TTPAL: variants seen among roughly 807,000 people sequenced by gnomAD.
TTPAL encodes alpha tocopherol transfer protein like, also known as alpha-tocopherol transfer protein-like.
In TTPAL, 21 loss-of-function variants were observed where a neutral mutation model predicts 28.7. The observed-to-expected ratio is 0.73, with a 90% CI of 0.52 to 1.06. The LOEUF (loss-of-function observed/expected upper bound fraction) is 1.06. TTPAL is among the 50% of genes least tolerant of loss of function. The pLI is 0.00. For synonymous variants in TTPAL, 169 were observed against 171.9 expected (o/e 0.98, Z 0.13); for missense variants, 345 against 425.5 (o/e 0.81, Z 1.67).
At chr20:44,483,573 T>C (rs914665690) in intron 2 of TTPAL, among the ~76,000 whole-genome samples, 7 of 152,160 alleles carry the variant, frequency 4.6e-5, no homozygotes, top group Non-Finnish European at 8.8e-5. Flanking sequence ...CCAAACTGCA[T>C]GGCTAGAGTG....
At chr20:44,486,574 C>A in intron 3 of TTPAL, 22 bp from the exon 4 acceptor site, 1 of 1,439,000 alleles carries the variant, frequency 6.9e-7, no homozygotes, top group Non-Finnish European at 9.7e-7. Flanking sequence ...ATGTTCTAAA[C>A]CCCTTTGCCT....
chr20:44,477,447 G>A (rs982821160), intron 1 of TTPAL, among the ~76,000 whole-genome samples: 1 of 152,082 alleles, frequency 6.6e-6, no homozygotes, highest in African/African-American at 2.4e-5. Flanking sequence ...GCAACAGGGT[G>A]GGAGAAGTGC....
chr20:44,481,782 C>T (rs2064107883), intron 2 of TTPAL, among the ~76,000 whole-genome samples: 2 of 152,238 alleles, frequency 1.3e-5, no homozygotes, highest in Middle Eastern at 3.4e-3. Flanking sequence ...GTACCAAGAC[C>T]ACTGTTAATG....
rs906629817 is a variant in TTPAL, at chr20:44,490,846, G to C, written c.*1305G>C. ...TAATCCCAGCACTTTGGGAGGCCAA[G>C]GTGTGCGGATCACAAGGTCAGGAGT... On this transcript the variant is annotated 3_prime_UTR_variant, in exon 5 of 5. Transcript: ENST00000262605. The C allele has an allele frequency of 6.6e-6, 1 of 152,128 alleles. No homozygotes were observed. The highest frequency in any genetic ancestry group is 1.5e-5 in the Non-Finnish European group (1 of 68,034). The allele number at this position is 152,128 out of a possible 1,614,324, so 9.4% of individuals were successfully genotyped here. A position where few individuals can be genotyped will look rare whatever the true frequency, so the allele number is the denominator to read the frequency against.
At position 44,484,501 on chromosome 20, in the gene TTPAL, A is replaced by G. The variant is rs773824518; in HGVS notation, c.610A>G (p.Ile204Val). ...AAAAGCATCTCACTTTGGCCCTTTTATAGCCAAAAAGGTGATTGGCATCCT... is the reference window on the plus strand; with the variant it reads ...AAAAGCATCTCACTTTGGCCCTTTTGTAGCCAAAAAGGTGATTGGCATCCT... ...LSKASHFGPF[I>V]AKKVIGILQD... The change falls in exon 3 of 5, where the codon ATA becomes GTA. Residue 204 changes from isoleucine (I) to valine (V), a missense_variant. Ile to Val is a conservative substitution (Grantham distance 29). Coordinates refer to ENST00000262605, the MANE Select transcript of TTPAL (RefSeq NM_001039199.3). 1 of 1,584,190 alleles carries G rather than the reference A, an allele frequency of 6.3e-7. No homozygotes were observed. Among genetic ancestry groups the G allele is most frequent in the South Asian group, 1.1e-5 (1 of 89,530 alleles).
intron 1 of TTPAL, among the ~76,000 whole-genome samples, chr20:44,479,369 C>G (rs374331356): frequency 6.9e-6 from 1 of 145,956 alleles, no homozygotes; most frequent in Admixed American, 6.9e-5. Context: ...TATTAGAGTA[C>G]GTTTATTTTT....
intron 2 of TTPAL, among the ~76,000 whole-genome samples, chr20:44,483,348 A>G (rs1238901011): frequency 6.6e-6 from 1 of 152,196 alleles, no homozygotes; most frequent in African/African-American, 2.4e-5. Flanking sequence ...CTCTTGCCTC[A>G]TGGGGCCCGT....
At chr20:44,481,068 GGTGCCTCCTCT>G (rs1244559567) in intron 2 of TTPAL, among the ~76,000 whole-genome samples, 1 of 152,154 alleles carries the variant, frequency 6.6e-6, no homozygotes, top group East Asian at 1.9e-4. Context: ...CACCTGGAAA[GGTGCCTCCTCT>G]GTGCCTCCTC....
rs568480837 is a variant in TTPAL at position 44,493,289 on chromosome 20, A to G, written c.*3748A>G. On this transcript the variant is annotated 3_prime_UTR_variant, in exon 5 of 5. Coordinates refer to ENST00000262605, the MANE Select transcript of TTPAL (RefSeq NM_001039199.3). ...ACGAGTGAAACTCCATCTCAAAAAT[A>G]AAAATTGAAAAATCAGGTTACAAAA... 6.6e-5 allele frequency: 10 copies of G among 152,464 alleles called. No individual in the cohort carries two copies. In the East Asian group the frequency reaches 1.7e-3, roughly 26 times the overall value. The allele number at this position is 152,464 out of a possible 1,614,324, so 9.4% of individuals were successfully genotyped here. A position where few individuals can be genotyped will look rare whatever the true frequency, so the allele number is the denominator to read the frequency against.
At chr20:44,477,642 T>C (rs1445780541) in intron 1 of TTPAL, among the ~76,000 whole-genome samples, 1 of 151,348 alleles carries the variant, frequency 6.6e-6, no homozygotes, top group African/African-American at 2.4e-5. Context: ...TATCTATCTA[T>C]CTATTTATTT....
intron 2 of TTPAL, among the ~76,000 whole-genome samples, chr20:44,482,346 G>A (rs1386235064): frequency 1.3e-5 from 2 of 152,016 alleles, no homozygotes; most frequent in Non-Finnish European, 2.9e-5. Flanking sequence ...AGGAGTTCCA[G>A]ACCAGCCTAG....
At chr20:44,488,049 G>A (rs188790433) in intron 4 of TTPAL, among the ~76,000 whole-genome samples, 18 of 152,358 alleles carry the variant, frequency 1.2e-4, no homozygotes, top group South Asian at 2.1e-4. Context: ...GATTACAGGC[G>A]TGAGCCACCG....
Position 44,492,310 on chromosome 20 carries a change from G to A in TTPAL, c.*2769G>A, listed in dbSNP as rs2064214092. 1 of 152,334 alleles carries A rather than the reference G, an allele frequency of 6.6e-6. No homozygotes were observed. The highest frequency in any genetic ancestry group is 2.4e-5 in the African/African-American group (1 of 41,426). The allele number at this position is 152,334 out of a possible 1,614,324, so 9.4% of individuals were successfully genotyped here. A position where few individuals can be genotyped will look rare whatever the true frequency, so the allele number is the denominator to read the frequency against. On this transcript the variant is annotated 3_prime_UTR_variant, in exon 5 of 5. Transcript: ENST00000262605. ...GCAAACCCATGAACCTCAAGAACTG[G>A]GAGTATGTTCCTTCAGGGAGAAGTT...
intron 4 of TTPAL, among the ~76,000 whole-genome samples, chr20:44,487,496 G>T (rs999440192): frequency 6.6e-5 from 10 of 152,120 alleles, no homozygotes; most frequent in Admixed American, 1.3e-4. Flanking sequence ...AGAACTGTGG[G>T]GTTTAAAAAT....
chr20:44,489,637 T>C lies in TTPAL; in HGVS notation c.*96T>C. The stretch of plus-strand genomic sequence containing the variant: ...GGGTCCATGGATTCAGTCTTGCTCC[T>C]TGTAATTAAACTGCAGGATGGAGGA... On this transcript the variant is annotated 3_prime_UTR_variant, in exon 5 of 5. Transcript: ENST00000262605. The C allele has an allele frequency of 7.4e-7, 1 of 1,347,362 alleles. No homozygotes were observed. Among genetic ancestry groups the C allele is most frequent in the Non-Finnish European group, 9.9e-7 (1 of 1,007,686 alleles). The allele number at this position is 1,347,362 out of a possible 1,614,324, so 83.5% of individuals were successfully genotyped here. A position where few individuals can be genotyped will look rare whatever the true frequency, so the allele number is the denominator to read the frequency against.
chr20:44,482,110 G>C (rs529624733), intron 2 of TTPAL, among the ~76,000 whole-genome samples: 1 of 152,134 alleles, frequency 6.6e-6, no homozygotes, highest in Non-Finnish European at 1.5e-5. Flanking sequence ...TCTCAATTGG[G>C]TATCAGCTTT....
At chr20:44,484,033 A>T (rs567412796) in intron 2 of TTPAL, among the ~76,000 whole-genome samples, 1 of 152,124 alleles carries the variant, frequency 6.6e-6, no homozygotes, top group African/African-American at 2.4e-5. Context: ...CTTATGCTTA[A>T]TTCCTCCCAC....
chr20:44,489,193 A>C, intron 4 of TTPAL, 70 bp from the exon 5 acceptor site: 2 of 1,501,414 alleles, frequency 1.3e-6, no homozygotes, highest in East Asian at 4.5e-5. Context: ...TTGAGCACCT[A>C]CCATGGAGGA....
intron 1 of TTPAL, among the ~76,000 whole-genome samples, chr20:44,478,173 A>T (rs367869348): frequency 1.3e-5 from 2 of 152,196 alleles, no homozygotes; most frequent in East Asian, 3.9e-4. Context: ...AGACACTAGG[A>T]TGAGGTTAGA....
Sources: allele counts gnomAD v4.1 joint callset (sites outside exome capture counted in the v4.1 genomes callset), GRCh38; gene constraint gnomAD v4.1.1; transcripts MANE v1.5; gene names NCBI Gene and HGNC (gene_info 2026-07-23, HGNC 2026-07-21).